Variants in ST3GAL6 observed in about 807,000 individuals in gnomAD.
ST3GAL6 encodes the protein ST3 beta-galactoside alpha-2,3-sialyltransferase 6.
In ST3GAL6, 31 loss-of-function variants were observed where a neutral mutation model predicts 40.5. That is an observed-to-expected ratio of 0.77 (90% CI 0.58 to 1.03). The LOEUF (loss-of-function observed/expected upper bound fraction) is 1.03. Ranked by LOEUF, ST3GAL6 falls within the 50% of genes least tolerant of loss-of-function variation. ST3GAL6 has a pLI of 0.00. For missense variants in ST3GAL6, 357 were observed against 393.2 expected (o/e 0.91, Z 0.78); for synonymous variants, 129 against 136.9 (o/e 0.94, Z 0.40).
At chr3:98,753,830 T>C (rs540706173) in intron 1 of ST3GAL6, among the ~76,000 whole-genome samples, 17 of 152,328 alleles carry the variant, frequency 1.1e-4, no homozygotes, top group African/African-American at 3.8e-4. Context: ...CTACTCATCC[T>C]GTGTGCTATA....
intron 1 of ST3GAL6, among the ~76,000 whole-genome samples, chr3:98,755,743 G>A (rs80008900): frequency 0.018 from 2,792 of 152,022 alleles, 94 homozygotes; most frequent in African/African-American, 0.064. Context: ...TTGTGTGTGC[G>A]TGTCTGTGTG....
At chr3:98,789,664 G>GCAT (rs1941037311) in intron 8 of ST3GAL6, among the ~76,000 whole-genome samples, 1 of 152,168 alleles carries the variant, frequency 6.6e-6, no homozygotes, top group Non-Finnish European at 1.5e-5. Context: ...AAGTCAAAAA[G>GCAT]CATACATGTT....
In ST3GAL6 at chr3:98,791,831, C is replaced by A. The variant is rs1941229975; in HGVS notation, c.757-10C>A. On this transcript the variant is annotated splice_polypyrimidine_tract_variant and intron_variant, in intron 8 of 9. Coordinates refer to ENST00000483910, the MANE Select transcript of ST3GAL6 (RefSeq NM_001323368.2). ...TTGCTTAAAAAAGTTTTTTTCATCC[C>A]CTCCCCCAGAAACCTAAACACCCAA... is the stretch of plus-strand genomic sequence containing the variant. 1 of 1,588,702 alleles carries A rather than the reference C, an allele frequency of 6.3e-7. No individual in the cohort carries two copies. Among genetic ancestry groups the A allele is most frequent in the East Asian group, 2.3e-5 (1 of 44,214 alleles).
At chr3:98,745,559 T>C (rs1936477880) in intron 1 of ST3GAL6, among the ~76,000 whole-genome samples, 1 of 152,234 alleles carries the variant, frequency 6.6e-6, no homozygotes, top group Non-Finnish European at 1.5e-5. Context: ...ATTCTTCAAC[T>C]GTCCCTTTCT....
At chr3:98,733,715 A>T in intron 1 of ST3GAL6, 1 of 618,302 alleles carries the variant, frequency 1.6e-6, no homozygotes, top group Non-Finnish European at 2.0e-6. Flanking sequence ...GTGTGCTGTT[A>T]TTTTGGCTTA....
At chr3:98,736,188 A>G (rs1317107913) in intron 1 of ST3GAL6, among the ~76,000 whole-genome samples, 1 of 152,168 alleles carries the variant, frequency 6.6e-6, no homozygotes, top group Admixed American at 6.5e-5. Flanking sequence ...GATAGAGGGA[A>G]AGGAAAGCAC....
At chr3:98,745,406 C>G (rs779467488) in intron 1 of ST3GAL6, among the ~76,000 whole-genome samples, 13 of 152,276 alleles carry the variant, frequency 8.5e-5, no homozygotes, top group African/African-American at 3.1e-4. Context: ...GTTGTGAAGT[C>G]CCCAGAGTGA....
intron 5 of ST3GAL6, chr3:98,783,061 C>T: frequency 4.4e-6 from 1 of 226,266 alleles, no homozygotes; most frequent in Non-Finnish European, 8.9e-6. Flanking sequence ...TACGTGTGCA[C>T]TGATTGTGAC....
In ST3GAL6 at chr3:98,793,812, T is replaced by C. The variant is rs144104965; in HGVS notation, c.*51T>C. ...AACAGTGTTAGTTTTATTTTTGTACTGCAATTTTTAGTTTAAAATATGTTG... is the reference window on the plus strand; with the variant it reads ...AACAGTGTTAGTTTTATTTTTGTACCGCAATTTTTAGTTTAAAATATGTTG... On this transcript the variant is annotated 3_prime_UTR_variant, in exon 10 of 10. Transcript: ENST00000483910. 1.6e-6 allele frequency: 2 copies of C among 1,219,206 alleles called. No homozygotes were observed. The highest frequency in any genetic ancestry group is 2.3e-6 in the Non-Finnish European group (2 of 859,718). 75.5% of individuals were successfully genotyped at this position (1,219,206 alleles called of 1,614,324 possible).
chr3:98,733,614 G>C (rs922575056), intron 1 of ST3GAL6: 4 of 985,108 alleles, frequency 4.1e-6, no homozygotes, highest in Admixed American at 6.1e-5. Context: ...CAGTGTTTGG[G>C]CTGCTGTTAA....
intron 5 of ST3GAL6, among the ~76,000 whole-genome samples, chr3:98,778,528 T>C (rs1464310383): frequency 1.3e-5 from 2 of 152,190 alleles, no homozygotes; most frequent in Non-Finnish European, 2.9e-5. Context: ...ACAGAGTGAA[T>C]CATTTGTGGT....
intron 1 of ST3GAL6, among the ~76,000 whole-genome samples, chr3:98,749,293 G>T (rs193270641): frequency 8.7e-4 from 132 of 152,092 alleles, no homozygotes; most frequent in Non-Finnish European, 1.5e-3. Context: ...TGATTTATTT[G>T]TAATAATAAA....
At chr3:98,759,783 AT>A (rs1937601430), upstream of ST3GAL6, among the ~76,000 whole-genome samples, 2 of 152,156 alleles carry the variant, frequency 1.3e-5, no homozygotes, top group South Asian at 4.1e-4. Context: ...GTGGCCAATG[AT>A]TCAGTTGGCA....
intron 1 of ST3GAL6, among the ~76,000 whole-genome samples, chr3:98,738,434 C>T (rs372081149): frequency 7.9e-5 from 12 of 151,986 alleles, no homozygotes; most frequent in South Asian, 2.1e-4. Context: ...CCGCCACACC[C>T]GGCTGATTTT....
chr3:98,786,394 CAGA>C (rs1940716150), intron 6 of ST3GAL6, among the ~76,000 whole-genome samples: 1 of 152,114 alleles, frequency 6.6e-6, no homozygotes, highest in Non-Finnish European at 1.5e-5. Context: ...TGTTCCAGGA[CAGA>C]AGGAGTGACC....
intron 5 of ST3GAL6, among the ~76,000 whole-genome samples, chr3:98,780,380 T>C (rs1245723281): frequency 6.6e-6 from 1 of 152,208 alleles, no homozygotes; most frequent in Non-Finnish European, 1.5e-5. Context: ...AAAAGTGGAC[T>C]TTCATTGATA....
chr3:98,771,305 C>A, intron 3 of ST3GAL6: 2 of 431,990 alleles, frequency 4.6e-6, no homozygotes, highest in Non-Finnish European at 7.5e-6. Flanking sequence ...TAATTTGTGG[C>A]TTCTCCTTCC....
intron 1 of ST3GAL6, among the ~76,000 whole-genome samples, chr3:98,739,697 A>G (rs886845269): frequency 2.6e-5 from 4 of 152,218 alleles, no homozygotes; most frequent in Admixed American, 6.5e-5. Flanking sequence ...TACATTTTCT[A>G]TGGTTAGCAT....
At chr3:98,747,161 T>G (rs1304916841) in intron 1 of ST3GAL6, among the ~76,000 whole-genome samples, 1 of 152,212 alleles carries the variant, frequency 6.6e-6, no homozygotes, top group Non-Finnish European at 1.5e-5. Flanking sequence ...CTTGGTTTGT[T>G]TATCTACTTT....
Sources: allele counts gnomAD v4.1 joint callset (sites outside exome capture counted in the v4.1 genomes callset), GRCh38; gene constraint gnomAD v4.1.1; transcripts MANE v1.5; gene names NCBI Gene and HGNC (gene_info 2026-07-23, HGNC 2026-07-21).